CHIC1: variants seen among roughly 807,000 people sequenced by gnomAD.
CHIC1 encodes the protein cysteine rich hydrophobic domain 1.
A neutral mutation model predicts 18.5 loss-of-function variants in CHIC1; 7 were observed. The ratio of observed to expected loss-of-function variants is 0.38; its 90% CI spans 0.22 to 0.71. The LOEUF is 0.71. CHIC1 is among the 30% of genes least tolerant of loss of function. CHIC1 has a pLI of 0.49. For missense variants in CHIC1, 159 were observed against 176.9 expected (o/e 0.90, Z 0.57); for synonymous variants, 77 against 73.5 (o/e 1.05, Z -0.25).
chrX:73,637,285 C>G (rs1433832180), intron 3 of CHIC1, among the ~76,000 whole-genome samples: 1 of 107,009 alleles, frequency 9.3e-6, no homozygotes, highest in African/African-American at 3.4e-5. Context: ...ACTTCTCTTG[C>G]TGATTTTAAG....
rs775380974 is a variant in CHIC1 at position 73,569,641 on chromosome X, T to C, written c.296+6061T>C. 7.2e-5 allele frequency among the ~76,000 whole-genome samples: 8 copies of C among 111,827 alleles called. No individual in the cohort carries two copies. In the South Asian group the frequency reaches 3.0e-3, roughly 42 times the overall value. ...ATAATTCTTAACTTAATGGTTTGTT[T>C]ATGAAACCTAACTGAGGTGTTTATT... On this transcript the variant is annotated intron_variant, in intron 1 of 5. Transcript: ENST00000373502.
At chrX:73,622,693 C>A (rs150741537) in intron 3 of CHIC1, among the ~76,000 whole-genome samples, 1,388 of 111,129 alleles carry the variant, frequency 0.012, 22 homozygotes, top group African/African-American at 0.044. Flanking sequence ...TCCTCCAGTT[C>A]TTCTCTGTTC....
At chrX:73,637,082 G>A (rs900864241) in intron 3 of CHIC1, among the ~76,000 whole-genome samples, 10 of 111,102 alleles carry the variant, frequency 9.0e-5, no homozygotes, top group African/African-American at 3.3e-4. Flanking sequence ...TACTTCCTTA[G>A]CTTTTGTTTA....
At chrX:73,625,046 G>A (rs1204513308) in intron 3 of CHIC1, among the ~76,000 whole-genome samples, 2 of 111,430 alleles carry the variant, frequency 1.8e-5, no homozygotes, top group African/African-American at 6.5e-5. Context: ...CTTTCCCTGA[G>A]CAGCCCTAGT....
chrX:73,673,052 A>C (rs1308451235), intron 3 of CHIC1, among the ~76,000 whole-genome samples: 1 of 108,927 alleles, frequency 9.2e-6, no homozygotes, highest in Non-Finnish European at 1.9e-5. Flanking sequence ...TTTTTCTCAG[A>C]TAGTTGGAGA....
chrX:73,574,362 C>A (rs765364940), intron 1 of CHIC1, among the ~76,000 whole-genome samples: 1 of 110,472 alleles, frequency 9.1e-6, no homozygotes, highest in Non-Finnish European at 1.9e-5. Context: ...TGTCTATGTT[C>A]GTCAGGGATA....
intron 3 of CHIC1, among the ~76,000 whole-genome samples, chrX:73,599,318 C>G (rs1378161754): frequency 9.8e-6 from 1 of 101,727 alleles, no homozygotes; most frequent in Non-Finnish European, 1.9e-5. Context: ...TTTTGCTGTG[C>G]AGAAGCTCTT....
chrX:73,635,732 A>G (rs1205525018), intron 3 of CHIC1, among the ~76,000 whole-genome samples: 3 of 111,285 alleles, frequency 2.7e-5, no homozygotes, highest in Non-Finnish European at 3.8e-5. Context: ...GATTTTATTG[A>G]GTCTTCTCTT....
chrX:73,584,306 A>G, intron 2 of CHIC1, 111 bp from the exon 3 acceptor site: 1 of 651,895 alleles, frequency 1.5e-6, no homozygotes, highest in Non-Finnish European at 2.2e-6. Context: ...GAATATATCT[A>G]TTTAGATATT....
At position 73,602,183 on chromosome X, in the gene CHIC1, T is replaced by A. The variant is rs755146913; in HGVS notation, c.507+17611T>A. On this transcript the variant is annotated intron_variant, in intron 3 of 5. Transcript: ENST00000373502. ...TTCCTTCTGAAACTATTCCAATCAA[T>A]AGAAAAAGAGGGAATCCTCCCTAAC... Among the ~76,000 whole-genome samples, 247 of 108,372 alleles carry A rather than the reference T, an allele frequency of 2.3e-3. 27 individuals carry two copies. Among genetic ancestry groups the A allele is most frequent in the African/African-American group, 8.5e-3 (238 of 28,001 alleles). The allele number at this position is 108,372 out of a possible 115,157, so 94.1% of individuals were successfully genotyped here.
chrX:73,567,938 C>G (rs1286721599), intron 1 of CHIC1, among the ~76,000 whole-genome samples: 1 of 110,702 alleles, frequency 9.0e-6, no homozygotes, highest in Non-Finnish European at 1.9e-5. Flanking sequence ...TCTTTTTTTC[C>G]ACTAAATTGT....
At chrX:73,677,227 C>T (rs954331379) in intron 3 of CHIC1, among the ~76,000 whole-genome samples, 6 of 111,906 alleles carry the variant, frequency 5.4e-5, no homozygotes, top group Non-Finnish European at 7.5e-5. Flanking sequence ...TCTTAAGCTG[C>T]GTGCTGGGAG....
intron 3 of CHIC1, among the ~76,000 whole-genome samples, chrX:73,616,957 C>A (rs189565406): frequency 2.6e-4 from 29 of 112,560 alleles, no homozygotes; most frequent in African/African-American, 9.0e-4. Context: ...ATGCAAATTT[C>A]TGCAGCCAGT....
chrX:73,643,210 G>T (rs1008197294), intron 3 of CHIC1, among the ~76,000 whole-genome samples: 1 of 111,361 alleles, frequency 9.0e-6, no homozygotes, highest in Non-Finnish European at 1.9e-5. Flanking sequence ...CTCTCTTCTG[G>T]CTTGTAGAGT....
At chrX:73,572,481 T>A (rs2057475770) in intron 1 of CHIC1, among the ~76,000 whole-genome samples, 1 of 111,163 alleles carries the variant, frequency 9.0e-6, no homozygotes, top group African/African-American at 3.3e-5. Context: ...ATATACCCAG[T>A]AATGGAATTG....
intron 3 of CHIC1, among the ~76,000 whole-genome samples, chrX:73,638,650 C>A: frequency 9.0e-6 from 1 of 111,265 alleles, no homozygotes; most frequent in Non-Finnish European, 1.9e-5. Context: ...GTACCTGATA[C>A]ATATTTTTTC....
At position 73,595,885 on chromosome X, in the gene CHIC1, T is replaced by C. The variant is rs767365371; in HGVS notation, c.507+11313T>C. Among the ~76,000 whole-genome samples, 11 of 111,855 alleles carry C rather than the reference T, an allele frequency of 9.8e-5. No individual in the cohort carries two copies. The East Asian group carries it at 1.7e-3, about 17-fold the overall frequency. On this transcript the variant is annotated intron_variant, in intron 3 of 5. Coordinates refer to ENST00000373502, the MANE Select transcript of CHIC1 (RefSeq NM_001039840.4). ...CACCATTCTAACTGGAGTGACATGGTATCTCATTGTGGTTTTGATTTGCAT... is the reference window on the plus strand; with the variant it reads ...CACCATTCTAACTGGAGTGACATGGCATCTCATTGTGGTTTTGATTTGCAT...
At chrX:73,620,092 A>G (rs1398986629) in intron 3 of CHIC1, among the ~76,000 whole-genome samples, 1 of 112,050 alleles carries the variant, frequency 8.9e-6, no homozygotes, top group Non-Finnish European at 1.9e-5. Context: ...CATTTTCCTT[A>G]TCCAGTCTAT....
At chrX:73,655,488 T>C (rs1334668133) in intron 3 of CHIC1, among the ~76,000 whole-genome samples, 2 of 68,889 alleles carry the variant, frequency 2.9e-5, no homozygotes, top group Admixed American at 1.6e-4. Flanking sequence ...ATATACACAA[T>C]ATTGTGTATA....
Sources: gnomAD v4.1 joint callset for allele counts (sites outside exome capture counted in the v4.1 genomes callset) on GRCh38, gnomAD v4.1.1 for gene constraint, MANE v1.5 for transcripts, NCBI Gene and HGNC (gene_info 2026-07-23, HGNC 2026-07-21) for gene names.